The following MGAT4B variants were observed in gnomAD, a reference collection of about 807,000 sequenced individuals.
MGAT4B encodes N-acetylglucosaminyltransferase IVb.
Under a neutral mutation model 73.9 loss-of-function variants are expected in MGAT4B, and 38 were observed. The ratio of observed to expected loss-of-function variants is 0.51; its 90% CI spans 0.40 to 0.67. The LOEUF (loss-of-function observed/expected upper bound fraction) is 0.67, where lower values mean the gene tolerates loss of function less well. Ranked by LOEUF, MGAT4B falls within the 30% of genes least tolerant of loss-of-function variation. MGAT4B has a pLI of 0.00. For missense variants in MGAT4B, 686 were observed against 735.2 expected, an observed-to-expected ratio of 0.93 and a Z score of 0.77; for synonymous variants, 373 against 313.5, an observed-to-expected ratio of 1.19 and a Z score of -2.01.
In MGAT4B at chr5:179,801,577, C is replaced by T. The variant is rs763883978; in HGVS notation, c.401G>A (p.Arg134His). Residue 134 changes from arginine (R) to histidine (H), a missense_variant, in exon 3 of 15, where the codon CGC (arginine) becomes CAC (histidine). Physicochemically the swap from Arg to His is conservative, Grantham distance 29 (BLOSUM62 0). Around this residue, in one of 2 missense-constraint regions of MGAT4B, gnomAD observed 237 missense variants for 198.5 expected, o/e 1.19. Transcript: ENST00000292591. The surrounding 1 kb of genome is among the most constrained non-coding windows in gnomAD (Gnocchi z 4.8). ...ACCTCCGGTGCGGCCCTGGCCCACG[C>T]GCACCGCGGGCTGCAGACTGCTCTC... ...AKESSLQPAVRVGQGRTGVSV... is the reference protein window; with the variant it reads ...AKESSLQPAVHVGQGRTGVSV... 10 of 1,607,222 alleles carry T rather than the reference C, an allele frequency of 6.2e-6. No individual in the cohort carries two copies. The highest frequency in any genetic ancestry group is 3.3e-4 in the Middle Eastern group (2 of 6,046).
At position 179,798,895 on chromosome 5, in the gene MGAT4B, C is replaced by A. The variant is rs1756778747; in HGVS notation, c.1343+33G>T. ...ACACCCTGGGGGCCACCCAGCCCCG[C>A]CCCCATCGCAGACCCATGGTGCTGG... On this transcript the variant is annotated intron_variant, in intron 11 of 14. Transcript: ENST00000292591. 1.4e-5 allele frequency: 22 copies of A among 1,611,766 alleles called. No individual in the cohort carries two copies. The East Asian group carries it at 4.9e-4, about 36-fold the overall frequency.
intron 6 of MGAT4B, 90 bp downstream of exon 6, chr5:179,800,394 T>C: frequency 7.0e-7 from 1 of 1,427,218 alleles, no homozygotes; most frequent in South Asian, 1.2e-5. Context: ...TTCAGGGCAC[T>C]GCAGGGAAAC....
chr5:179,797,711 G>A lies in MGAT4B; in HGVS notation c.*334C>T. 1 of 288,874 alleles carries A rather than the reference G, an allele frequency of 3.5e-6. No homozygotes were observed. Among genetic ancestry groups the A allele is most frequent in the Non-Finnish European group, 6.4e-6 (1 of 155,588 alleles). 17.9% of individuals were successfully genotyped at this position (288,874 alleles called of 1,614,324 possible). On this transcript the variant is annotated 3_prime_UTR_variant, in exon 15 of 15. Transcript: ENST00000292591. ...AAGAATAAAAAACACAGCACATAAA[G>A]TAGTATATGCATTCCAGTGTTCGCG...
rs753642484 is a variant in MGAT4B, at chr5:179,801,721, T to C, written c.284-27A>G. The C allele has an allele frequency of 6.2e-7, 1 of 1,600,062 alleles. No homozygotes were observed. The highest frequency in any genetic ancestry group is 8.5e-7 in the Non-Finnish European group (1 of 1,173,606). Reference sequence around the variant, plus strand: ...TGGGTGGGTCGGGAAGGATCGGGACTGAGACCAGGGAACCTACAACCAGCC... The same window carrying C: ...TGGGTGGGTCGGGAAGGATCGGGACCGAGACCAGGGAACCTACAACCAGCC... On this transcript the variant is annotated intron_variant, in intron 2 of 14. Transcript: ENST00000292591. The surrounding 1 kb of genome is among the most constrained non-coding windows in gnomAD (Gnocchi z 4.8).
Position 179,797,856 on chromosome 5 carries a change from CGGCGGGCG to C in MGAT4B, c.*181_*188del. ...GGGGCCGCCTGCCTCCTCCGCGGCC[CGGCGGGCG>C]GGGGCAGCACCAGCTCCTAGGGCCT... On this transcript the variant is annotated 3_prime_UTR_variant, in exon 15 of 15. Transcript: ENST00000292591. The C allele has an allele frequency of 1.3e-6, 1 of 764,718 alleles. No individual in the cohort carries two copies. The highest frequency in any genetic ancestry group is 2.0e-6 in the Non-Finnish European group (1 of 496,434). The allele number at this position is 764,718 out of a possible 1,614,324, so 47.4% of individuals were successfully genotyped here.
At chr5:179,804,255 A>G (rs151117223) in intron 1 of MGAT4B, among the ~76,000 whole-genome samples, 3 of 152,352 alleles carry the variant, frequency 2.0e-5, no homozygotes, top group East Asian at 1.9e-4. Context: ...GCATAGGCAG[A>G]TATCAGGCCC....
chr5:179,800,585 C>T lies in MGAT4B; in HGVS notation c.618G>A (p.Glu206=). 2 of 1,608,740 alleles carry T rather than the reference C, an allele frequency of 1.2e-6. No homozygotes were observed. The highest frequency in any genetic ancestry group is 1.7e-6 in the Non-Finnish European group (2 of 1,177,392). ...TENIKALFPT[E]IHSGLLEVIS... is the part of the protein sequence containing the mutation. ...TGACCTCCAGGAGCCCAGAATGGAT[C>T]TCCGTGGGGAACCTGGGGGACGGGA... The change falls in exon 6 of 15, where the codon GAG becomes GAA. Residue 206 remains glutamate (E), a synonymous_variant. Transcript: ENST00000292591.
In MGAT4B at chr5:179,806,007, G is replaced by T. The variant is rs951149068; in HGVS notation, c.97+480C>A. Among the ~76,000 whole-genome samples, 38 of 150,598 alleles carry T rather than the reference G, an allele frequency of 2.5e-4. No homozygotes were observed. Among genetic ancestry groups the T allele is most frequent in the Admixed American group, 1.3e-3 (19 of 15,174 alleles). Reference sequence around the variant, plus strand: ...CTCCCTCCCTCCCTCCCTCCCACAGGCCGGATGCTGCCGACGCGTTCTGGG... The same window carrying T: ...CTCCCTCCCTCCCTCCCTCCCACAGTCCGGATGCTGCCGACGCGTTCTGGG... On this transcript the variant is annotated intron_variant, in intron 1 of 14. Transcript: ENST00000292591. This position sits in a 1 kb window ranked among gnomAD's most constrained non-coding sequence, Gnocchi z 4.6.
chr5:179,798,807 A>G, intron 11 of MGAT4B, 121 bp downstream of exon 11: 1 of 1,251,944 alleles, frequency 8.0e-7, no homozygotes, highest in Non-Finnish European at 1.1e-6. Flanking sequence ...GGTAGCTACC[A>G]TTACGAGGCC....
chr5:179,798,130 C>G, intron 14 of MGAT4B, 35 bp downstream of exon 14: 2 of 1,591,260 alleles, frequency 1.3e-6, no homozygotes, highest in Non-Finnish European at 1.7e-6. Context: ...TCCCTGGCTG[C>G]TCCCCGTGCC....
chr5:179,804,878 G>C (rs768881413), intron 1 of MGAT4B: 2 of 152,122 alleles, frequency 1.3e-5, no homozygotes, highest in African/African-American at 2.4e-5. Flanking sequence ...GGTACTACTG[G>C]GTCACCACAG....
At chr5:179,800,306 A>G in intron 6 of MGAT4B, 47 bp from the exon 7 acceptor site, 1 of 1,602,722 alleles carries the variant, frequency 6.2e-7, no homozygotes, top group Non-Finnish European at 8.5e-7. Context: ...CTCCACCTCC[A>G]TTGTGGCTCC....
intron 1 of MGAT4B, chr5:179,802,760 C>G: frequency 1.0e-6 from 1 of 985,564 alleles, no homozygotes; most frequent in Non-Finnish European, 1.2e-6. Flanking sequence ...AGAGAGGCAC[C>G]ACCAGTCTGG....
Position 179,797,925 on chromosome 5 carries a change from C to T in MGAT4B, c.*120G>A, listed in dbSNP as rs967642144. ...GGCGGACCCCAGGCCGGCCCAAGCC[C>T]GACGCCAGGCAGAACCCTTTGGGCG... On this transcript the variant is annotated 3_prime_UTR_variant, in exon 15 of 15. Coordinates refer to ENST00000292591, the MANE Select transcript of MGAT4B (RefSeq NM_014275.5). 26 of 1,413,712 alleles carry T rather than the reference C, an allele frequency of 1.8e-5. No individual in the cohort carries two copies. The highest frequency in any genetic ancestry group is 4.3e-5 in the African/African-American group (3 of 70,022). The allele number at this position is 1,413,712 out of a possible 1,614,324, so 87.6% of individuals were successfully genotyped here. A position where few individuals can be genotyped will look rare whatever the true frequency, so the allele number is the denominator to read the frequency against.
chr5:179,798,834 A>G (rs1756774138), intron 11 of MGAT4B, 94 bp downstream of exon 11: 1 of 1,444,714 alleles, frequency 6.9e-7, no homozygotes, highest in African/African-American at 1.4e-5. Flanking sequence ...AGATGCGGAA[A>G]CTGAAGAACG....
chr5:179,803,740 C>CG (rs1213704841), intron 1 of MGAT4B: 2 of 152,478 alleles, frequency 1.3e-5, no homozygotes, highest in East Asian at 3.9e-4. Flanking sequence ...CCCTCTCCCC[C>CG]GGGTCCTGTT....
At chr5:179,800,365 C>A (rs770500505) in intron 6 of MGAT4B, 106 bp from the exon 7 acceptor site, 67 of 1,464,888 alleles carry the variant, frequency 4.6e-5, no homozygotes, top group Non-Finnish European at 6.0e-5. Flanking sequence ...CCCCCATGCA[C>A]GGGTCCTCCC....
Position 179,806,684 on chromosome 5 carries a change from G to A in MGAT4B, c.-101C>T. 4.9e-6 allele frequency: 2 copies of A among 407,188 alleles called. No homozygotes were observed. Among genetic ancestry groups the A allele is most frequent in the Non-Finnish European group, 6.5e-6 (2 of 305,352 alleles). 25.2% of individuals were successfully genotyped at this position (407,188 alleles called of 1,614,324 possible). On this transcript the variant is annotated 5_prime_UTR_variant, in exon 1 of 15. Transcript: ENST00000292591. The surrounding 1 kb of genome is among the most constrained non-coding windows in gnomAD (Gnocchi z 4.6). ...CGGAAGGCGGCGGCGGCGGCGGCAGGGGCCCCGGCCCCGGGTCGGGGAGGG... is the reference window on the plus strand; with the variant it reads ...CGGAAGGCGGCGGCGGCGGCGGCAGAGGCCCCGGCCCCGGGTCGGGGAGGG...
rs770376172 is a variant in MGAT4B at position 179,801,548 on chromosome 5, C to T, written c.424+6G>A. 3 of 1,608,688 alleles carry T rather than the reference C, an allele frequency of 1.9e-6. No homozygotes were observed. The Admixed American group carries it at 5.0e-5, about 27-fold the overall frequency. On this transcript the variant is annotated splice_donor_region_variant and intron_variant, in intron 3 of 14. Coordinates refer to ENST00000292591, the MANE Select transcript of MGAT4B (RefSeq NM_014275.5). This position sits in a 1 kb window ranked among gnomAD's most constrained non-coding sequence, Gnocchi z 4.8. ...ACCCCGTGCTCCTCCCTGTCTGCGC[C>T]CATACCTCCGGTGCGGCCCTGGCCC...
Sources: allele counts gnomAD v4.1 joint callset (sites outside exome capture counted in the v4.1 genomes callset), GRCh38; gene constraint gnomAD v4.1.1; regional missense constraint gnomAD v4.1.1; non-coding constraint Gnocchi (gnomAD v3.1); transcripts MANE v1.5; gene names NCBI Gene and HGNC (gene_info 2026-07-23, HGNC 2026-07-21).